Variants in TUBG1 observed in about 807,000 individuals in gnomAD.
TUBG1 encodes the protein tubulin gamma-1 chain.
In TUBG1, 22 loss-of-function variants were observed where a neutral mutation model predicts 53.3. The observed-to-expected ratio is 0.41, with a 90% CI of 0.29 to 0.59. The LOEUF is 0.59. Ranked by LOEUF, TUBG1 falls within the 20% of genes least tolerant of loss-of-function variation. The pLI, the probability that TUBG1 is intolerant of heterozygous loss-of-function variation, is 0.26. For synonymous variants in TUBG1, 198 were observed against 236.7 expected (o/e 0.84, Z 1.50); for missense variants, 217 against 598.9 (o/e 0.36, Z 6.66).
chr17:42,614,172 C>A lies in TUBG1; in HGVS notation c.844-88C>A. The A allele has an allele frequency of 6.2e-7, 1 of 1,601,710 alleles. No individual in the cohort carries two copies. The highest frequency in any genetic ancestry group is 1.3e-5 in the African/African-American group (1 of 74,758). ...TTCTTGCTGACTTGCTCTCCACCCTCCCTCTGCCTTTGGCTTCTGCCAAAG... is the reference window on the plus strand; with the variant it reads ...TTCTTGCTGACTTGCTCTCCACCCTACCTCTGCCTTTGGCTTCTGCCAAAG... On this transcript the variant is annotated intron_variant, in intron 8 of 10. Transcript: ENST00000251413. The surrounding 1 kb of genome is among the most constrained non-coding windows in gnomAD (Gnocchi z 5.1).
rs2052059093 is a variant in TUBG1 at position 42,614,246 on chromosome 17, C to T, written c.844-14C>T. On this transcript the variant is annotated splice_polypyrimidine_tract_variant and intron_variant, in intron 8 of 10. Transcript: ENST00000251413. This position sits in a 1 kb window ranked among gnomAD's most constrained non-coding sequence, Gnocchi z 5.1. ...CTGAGCGCTGGCCGGGTCCCTGTCT[C>T]ACTGTCCTATCAGGTGGCCAGCGTG... The T allele has an allele frequency of 6.2e-7, 1 of 1,613,960 alleles. No homozygotes were observed. Among genetic ancestry groups the T allele is most frequent in the Non-Finnish European group, 8.5e-7 (1 of 1,179,876 alleles).
chr17:42,613,856 C>T lies in TUBG1; in HGVS notation c.701C>T (p.Thr234Ile). Reference sequence around the variant, plus strand: ...TGGCACGCCTGTCCCCAGGTGTCTACCATCATGTCAGCCAGCACCACCACC... The same window carrying T: ...TGGCACGCCTGTCCCCAGGTGTCTATCATCATGTCAGCCAGCACCACCACC... Reference protein sequence around the residue: ...SFSQINQLVSTIMSASTTTLR... With the variant: ...SFSQINQLVSIIMSASTTTLR... Residue 234 changes from threonine (T) to isoleucine (I), a missense_variant, in exon 8 of 11, where the codon ACC becomes ATC. Transcript: ENST00000251413. The T allele has an allele frequency of 2.5e-6, 4 of 1,614,200 alleles. No individual in the cohort carries two copies. Among genetic ancestry groups the T allele is most frequent in the Non-Finnish European group, 2.5e-6 (3 of 1,180,036 alleles).
chr17:42,610,263 G>A (rs953543586), intron 2 of TUBG1, 43 bp downstream of exon 2: 36 of 1,613,526 alleles, frequency 2.2e-5, no homozygotes, highest in Non-Finnish European at 3.1e-5. Context: ...TGCCCAAGGG[G>A]GCGGAAGGGA....
Position 42,614,647 on chromosome 17 carries a change from G to A in TUBG1, c.1148G>A (p.Ser383Asn). 1 of 1,614,012 alleles carries A rather than the reference G, an allele frequency of 6.2e-7. No homozygotes were observed. Among genetic ancestry groups the A allele is most frequent in the Non-Finnish European group, 8.5e-7 (1 of 1,179,910 alleles). ...VSGLMMANHT[S>N]ISSLFERTCR... The stretch of plus-strand genomic sequence containing the variant: ...GGGCTCATGATGGCCAACCACACCA[G>A]CATCTCCTCGGTGAGTCTCAAAGTT... Residue 383 changes from serine (S) to asparagine (N), a missense_variant, in exon 10 of 11, where the codon AGC (serine) becomes AAC (asparagine). Coordinates refer to ENST00000251413, the MANE Select transcript of TUBG1 (RefSeq NM_001070.5). The surrounding 1 kb of genome is among the most constrained non-coding windows in gnomAD (Gnocchi z 5.1).
Position 42,613,626 on chromosome 17 carries a change from G to C in TUBG1, c.607-21G>C, listed in dbSNP as rs774734652. The stretch of plus-strand genomic sequence containing the variant: ...GTTTTTCTTATCCCCATTGATCTGT[G>C]ATCCTCTTCTGTCCCCCCAGGTGGT... On this transcript the variant is annotated intron_variant, in intron 6 of 10. Transcript: ENST00000251413. 3.7e-6 allele frequency: 6 copies of C among 1,613,962 alleles called. No homozygotes were observed. The African/African-American group carries it at 8.0e-5, about 22-fold the overall frequency.
chr17:42,614,773 G>C lies in TUBG1; in HGVS notation c.1159-71G>C. 1.2e-6 allele frequency: 2 copies of C among 1,609,972 alleles called. No individual in the cohort carries two copies. Among genetic ancestry groups the C allele is most frequent in the Middle Eastern group, 3.3e-4 (2 of 6,054 alleles). ...TTTGCTGTGGGCATAGCCCAGCCTTGGTTCCCCAGCTTTCTGGGCCACGTT... is the reference window on the plus strand; with the variant it reads ...TTTGCTGTGGGCATAGCCCAGCCTTCGTTCCCCAGCTTTCTGGGCCACGTT... On this transcript the variant is annotated intron_variant, in intron 10 of 10. Transcript: ENST00000251413. This position sits in a 1 kb window ranked among gnomAD's most constrained non-coding sequence, Gnocchi z 5.1.
chr17:42,611,593 C>A (rs1040366369), intron 3 of TUBG1, among the ~76,000 whole-genome samples: 17 of 152,124 alleles, frequency 1.1e-4, no homozygotes, highest in Non-Finnish European at 2.5e-4. Flanking sequence ...TGGTGGCTCA[C>A]GCCTGTAATC....
Position 42,614,190 on chromosome 17 carries a change from T to C in TUBG1, c.844-70T>C. On this transcript the variant is annotated intron_variant, in intron 8 of 10. Transcript: ENST00000251413. This position sits in a 1 kb window ranked among gnomAD's most constrained non-coding sequence, Gnocchi z 5.1. Reference sequence around the variant, plus strand: ...CCACCCTCCCTCTGCCTTTGGCTTCTGCCAAAGAGAAGCCAAAGGGGGACT... The same window carrying C: ...CCACCCTCCCTCTGCCTTTGGCTTCCGCCAAAGAGAAGCCAAAGGGGGACT... 6.2e-7 allele frequency: 1 copy of C among 1,607,240 alleles called. No homozygotes were observed. Among genetic ancestry groups the C allele is most frequent in the Non-Finnish European group, 8.5e-7 (1 of 1,175,308 alleles).
At chr17:42,611,708 T>A (rs549131962) in intron 3 of TUBG1, among the ~76,000 whole-genome samples, 2 of 152,216 alleles carry the variant, frequency 1.3e-5, no homozygotes, top group South Asian at 4.1e-4. Flanking sequence ...ATACAAAAAA[T>A]AGCTGGGCAT....
intron 3 of TUBG1, 142 bp from the exon 4 acceptor site, chr17:42,611,933 C>T: frequency 1.5e-6 from 1 of 685,444 alleles, no homozygotes; most frequent in Non-Finnish European, 2.6e-6. Context: ...CACCGTACTG[C>T]CTCTCAATGT....
chr17:42,613,858 A>G lies in TUBG1; in HGVS notation c.703A>G (p.Ile235Val). The change falls in exon 8 of 11, where the codon ATC (isoleucine) becomes GTC (valine). Residue 235 changes from isoleucine (I) to valine (V), a missense_variant. Ile to Val is a conservative substitution (Grantham distance 29, BLOSUM62 3). Around this residue, in one of 4 missense-constraint regions of TUBG1, gnomAD observed 135 missense variants for 371.2 expected, o/e 0.36. Coordinates refer to ENST00000251413, the MANE Select transcript of TUBG1 (RefSeq NM_001070.5). Reference sequence around the variant, plus strand: ...GCACGCCTGTCCCCAGGTGTCTACCATCATGTCAGCCAGCACCACCACCCT... The same window carrying G: ...GCACGCCTGTCCCCAGGTGTCTACCGTCATGTCAGCCAGCACCACCACCCT... ...FSQINQLVSTIMSASTTTLRY... is the reference protein window; with the variant it reads ...FSQINQLVSTVMSASTTTLRY... The G allele has an allele frequency of 6.2e-7, 1 of 1,614,156 alleles. No individual in the cohort carries two copies. Among genetic ancestry groups the G allele is most frequent in the Non-Finnish European group, 8.5e-7 (1 of 1,180,030 alleles).
chr17:42,614,693 C>G lies in TUBG1; in HGVS notation c.1158+36C>G. On this transcript the variant is annotated intron_variant, in intron 10 of 10. Transcript: ENST00000251413. The surrounding 1 kb of genome is among the most constrained non-coding windows in gnomAD (Gnocchi z 5.1). ...AAGTTTGCACCTTTTTTCCCTGAAT[C>G]AGTTTCCTGACTATACCTCACCTCT... is the stretch of plus-strand genomic sequence containing the variant. 6.2e-7 allele frequency: 1 copy of G among 1,612,078 alleles called. No individual in the cohort carries two copies. Among genetic ancestry groups the G allele is most frequent in the Non-Finnish European group, 8.5e-7 (1 of 1,178,618 alleles).
chr17:42,611,490 A>G (rs1335616739), intron 3 of TUBG1, among the ~76,000 whole-genome samples: 1 of 152,212 alleles, frequency 6.6e-6, no homozygotes, highest in Non-Finnish European at 1.5e-5. Flanking sequence ...GACCTGTATT[A>G]TTACCTTCAT....
rs1271583898 is a variant in TUBG1, at chr17:42,614,858, C to T, written c.1173C>T (p.Thr391=). The change falls in exon 11 of 11, where the codon ACC becomes ACT. Residue 391 remains threonine, a synonymous_variant. Transcript: ENST00000251413. This position sits in a 1 kb window ranked among gnomAD's most constrained non-coding sequence, Gnocchi z 5.1. ...HTSISSLFER[T]CRQYDKLRKR... Reference sequence around the variant, plus strand: ...CACACCCCAAGCTCTTCGAGAGAACCTGTCGCCAGTATGACAAGCTGCGTA... The same window carrying T: ...CACACCCCAAGCTCTTCGAGAGAACTTGTCGCCAGTATGACAAGCTGCGTA... 1 of 1,614,228 alleles carries T rather than the reference C, an allele frequency of 6.2e-7. No individual in the cohort carries two copies. The highest frequency in any genetic ancestry group is 1.7e-5 in the Admixed American group (1 of 60,030).
At chr17:42,613,464 A>T (rs1393365374) in intron 6 of TUBG1, among the ~76,000 whole-genome samples, 183 bp from the exon 7 acceptor site, 6 of 152,102 alleles carry the variant, frequency 3.9e-5, no homozygotes, top group African/African-American at 1.4e-4. Flanking sequence ...AATAATTAAG[A>T]TGAAAAGAAA....
At chr17:42,612,808 C>A in intron 5 of TUBG1, 139 bp from the exon 6 acceptor site, 2 of 1,215,434 alleles carry the variant, frequency 1.6e-6, no homozygotes, top group Non-Finnish European at 2.3e-6. Flanking sequence ...TTCCAAAAGT[C>A]AAGGCTCCCT....
At chr17:42,609,876 A>G in intron 1 of TUBG1, 90 bp downstream of exon 1, 1 of 1,478,500 alleles carries the variant, frequency 6.8e-7, no homozygotes, top group Admixed American at 2.4e-5. Flanking sequence ...TGTCCTTGCC[A>G]GAATCGTAGT....
rs1328804841 is a variant in TUBG1, at chr17:42,613,499, T to C, written c.607-148T>C. ...AAATTTAAAAATCCATTTTGAGCCCTCCTTTGCCCTAGGTCAGTGCAAATC... is the reference window on the plus strand; with the variant it reads ...AAATTTAAAAATCCATTTTGAGCCCCCCTTTGCCCTAGGTCAGTGCAAATC... On this transcript the variant is annotated intron_variant, in intron 6 of 10. Transcript: ENST00000251413. 3.5e-6 allele frequency: 4 copies of C among 1,141,856 alleles called. No individual in the cohort carries two copies. In the African/African-American group the frequency reaches 4.7e-5, roughly 13 times the overall value. The allele number at this position is 1,141,856 out of a possible 1,614,324, so 70.7% of individuals were successfully genotyped here.
chr17:42,612,253 C>A, intron 4 of TUBG1, 110 bp downstream of exon 4: 1 of 1,319,728 alleles, frequency 7.6e-7, no homozygotes. Flanking sequence ...TTGCACTGGA[C>A]AGAAGCTATC....
Sources: gnomAD v4.1 joint callset for allele counts (sites outside exome capture counted in the v4.1 genomes callset) on GRCh38, gnomAD v4.1.1 for gene constraint, gnomAD v4.1.1 regional missense constraint, Gnocchi (gnomAD v3.1) non-coding constraint, MANE v1.5 for transcripts, NCBI Gene and HGNC (gene_info 2026-07-23, HGNC 2026-07-21) for gene names.